Variants in CD2AP observed in about 807,000 individuals in gnomAD.
CD2AP encodes CD2-associated protein.
Under a neutral mutation model 85.1 loss-of-function variants are expected in CD2AP, and 46 were observed. That is an observed-to-expected ratio of 0.54 (90% confidence interval 0.43 to 0.69). CD2AP has a LOEUF of 0.69. Among genes scored for constraint, CD2AP ranks in the 30% least tolerant of loss-of-function variants. CD2AP has a pLI of 0.00. For missense variants in CD2AP, 769 were observed against 729.5 expected (o/e 1.05, Z -0.62); for synonymous variants, 255 against 252.9 (o/e 1.01, Z -0.08).
At chr6:47,535,875 A>C (rs1050425838) in intron 3 of CD2AP, among the ~76,000 whole-genome samples, 31 of 152,208 alleles carry the variant, frequency 2.0e-4, no homozygotes, top group African/African-American at 7.5e-4. Flanking sequence ...CTAGGGAGCT[A>C]TAAAGGGATA....
chr6:47,619,494 G>C (rs964733532), intron 17 of CD2AP, among the ~76,000 whole-genome samples: 1 of 152,200 alleles, frequency 6.6e-6, no homozygotes, highest in African/African-American at 2.4e-5. Context: ...TTGGTTCCAT[G>C]ATTTTGCTGT....
chr6:47,477,977 G>A lies in CD2AP; in HGVS notation c.-268G>A. The A allele has an allele frequency of 1.8e-6, 1 of 561,602 alleles. No individual in the cohort carries two copies. Among genetic ancestry groups the A allele is most frequent in the Middle Eastern group, 4.7e-4 (1 of 2,112 alleles). 34.8% of individuals were successfully genotyped at this position (561,602 alleles called of 1,614,324 possible). A position where few individuals can be genotyped will look rare whatever the true frequency, so the allele number is the denominator to read the frequency against. ...GGGAAAACCGCGGTCGGGCGGGCGG[G>A]GTAGGGCCCTCCCGCCGCCGTGGCT... On this transcript the variant is annotated 5_prime_UTR_variant, in exon 1 of 18. Coordinates refer to ENST00000359314, the MANE Select transcript of CD2AP (RefSeq NM_012120.3).
intron 17 of CD2AP, among the ~76,000 whole-genome samples, chr6:47,622,958 A>G (rs953512676): frequency 4.0e-5 from 6 of 151,140 alleles, no homozygotes; most frequent in Non-Finnish European, 7.4e-5. Context: ...CACACTCCCT[A>G]CTCCCTCTTC....
intron 2 of CD2AP, 27 bp from the exon 3 acceptor site, chr6:47,533,575 C>T (rs748668302): frequency 2.5e-6 from 4 of 1,606,902 alleles, no homozygotes; most frequent in Non-Finnish European, 3.4e-6. Flanking sequence ...ACTTAACTTG[C>T]CTCTTTATTT....
At chr6:47,491,480 A>G (rs896543646) in intron 1 of CD2AP, among the ~76,000 whole-genome samples, 1 of 152,130 alleles carries the variant, frequency 6.6e-6, no homozygotes, top group African/African-American at 2.4e-5. Context: ...ACTCAATAGT[A>G]TACTGTGATC....
chr6:47,551,910 G>T (rs1206617628), intron 4 of CD2AP, among the ~76,000 whole-genome samples: 1 of 152,110 alleles, frequency 6.6e-6, no homozygotes, highest in African/African-American at 2.4e-5. Flanking sequence ...TTACTATATG[G>T]CAGTTCACGG....
intron 1 of CD2AP, among the ~76,000 whole-genome samples, chr6:47,500,889 A>C (rs1280401228): frequency 6.6e-6 from 1 of 151,956 alleles, no homozygotes; most frequent in East Asian, 1.9e-4. Flanking sequence ...CTGGGACTAC[A>C]GGCGCCTGCC....
chr6:47,486,904 G>C (rs536413362), intron 1 of CD2AP, among the ~76,000 whole-genome samples: 13 of 152,214 alleles, frequency 8.5e-5, no homozygotes, highest in South Asian at 8.3e-4. Context: ...GTGTTTTTGG[G>C]GGACATTTAA....
At chr6:47,593,860 C>T (rs1218044941) in intron 11 of CD2AP, among the ~76,000 whole-genome samples, 1 of 152,002 alleles carries the variant, frequency 6.6e-6, no homozygotes, top group Non-Finnish European at 1.5e-5. Context: ...CATAGCAGCA[C>T]TATTTACAGT....
intron 5 of CD2AP, among the ~76,000 whole-genome samples, chr6:47,571,078 TTAGAA>T (rs1400407257): frequency 1.3e-5 from 2 of 152,162 alleles, no homozygotes; most frequent in Non-Finnish European, 1.5e-5. Context: ...AAATTGTACT[TTAGAA>T]TAATCTCTTA....
rs1185996664 is a variant in CD2AP at position 47,627,092 on chromosome 6, AG to A, written c.*2866del. The A allele has an allele frequency of 6.6e-6, 1 of 152,452 alleles. No homozygotes were observed. Among genetic ancestry groups the A allele is most frequent in the Non-Finnish European group, 1.5e-5 (1 of 67,916 alleles). The allele number at this position is 152,452 out of a possible 1,614,324, so 9.4% of individuals were successfully genotyped here. ...CTTGTTTACAGGTGCTGTATTTAAA[AG>A]CATGCTTCTCTCTCAAAAAGAAAAA... is the stretch of plus-strand genomic sequence containing the variant. On this transcript the variant is annotated 3_prime_UTR_variant, in exon 18 of 18. Transcript: ENST00000359314.
chr6:47,487,518 G>A (rs1010775518), intron 1 of CD2AP, among the ~76,000 whole-genome samples: 2 of 152,016 alleles, frequency 1.3e-5, no homozygotes, highest in African/African-American at 2.4e-5. Context: ...GAGAAACCCC[G>A]TCTCTACTAA....
At chr6:47,551,306 A>T (rs1317442471) in intron 4 of CD2AP, among the ~76,000 whole-genome samples, 1 of 152,222 alleles carries the variant, frequency 6.6e-6, no homozygotes, top group African/African-American at 2.4e-5. Context: ...TTTTGATACC[A>T]TGTATTATAG....
chr6:47,487,819 T>G (rs952846354), intron 1 of CD2AP, among the ~76,000 whole-genome samples: 5 of 152,206 alleles, frequency 3.3e-5, no homozygotes, highest in Non-Finnish European at 7.3e-5. Flanking sequence ...ATTTACAAAA[T>G]TTAACACTTG....
intron 5 of CD2AP, 42 bp downstream of exon 5, chr6:47,554,808 TTATA>T: frequency 1.3e-6 from 2 of 1,504,960 alleles, no homozygotes; most frequent in Non-Finnish European, 1.8e-6. Flanking sequence ...TAAATAAACT[TTATA>T]TAGCATCTAG....
chr6:47,545,363 G>A (rs922469672), intron 4 of CD2AP, among the ~76,000 whole-genome samples: 11 of 152,258 alleles, frequency 7.2e-5, no homozygotes, highest in Non-Finnish European at 1.5e-4. Flanking sequence ...CCCAAGGAGA[G>A]TCTGAGATCA....
At chr6:47,599,786 A>G (rs1441841059) in intron 13 of CD2AP, among the ~76,000 whole-genome samples, 1 of 152,034 alleles carries the variant, frequency 6.6e-6, no homozygotes, top group Non-Finnish European at 1.5e-5. Flanking sequence ...TAAAAATGAG[A>G]TGACATAGAC....
At chr6:47,593,667 T>G (rs1460058214) in intron 11 of CD2AP, among the ~76,000 whole-genome samples, 2 of 152,042 alleles carry the variant, frequency 1.3e-5, no homozygotes, top group Non-Finnish European at 2.9e-5. Context: ...AATAAATGTT[T>G]GCAAGGATGT....
At chr6:47,615,883 C>T (rs1220954643) in intron 17 of CD2AP, among the ~76,000 whole-genome samples, 8 of 150,662 alleles carry the variant, frequency 5.3e-5, no homozygotes, top group South Asian at 2.1e-4. Context: ...GAGTTCACTC[C>T]GTTCTCCCAC....
Sources: gnomAD v4.1 joint callset for allele counts (sites outside exome capture counted in the v4.1 genomes callset) on GRCh38, gnomAD v4.1.1 for gene constraint, MANE v1.5 for transcripts, NCBI Gene and HGNC (gene_info 2026-07-23, HGNC 2026-07-21) for gene names.